GRID1: variants seen among roughly 807,000 people sequenced by gnomAD.
GRID1 encodes the protein glutamate ionotropic receptor delta type subunit 1.
GRID1 carries 28 observed loss-of-function variants against 98.0 expected under a neutral mutation model. The observed-to-expected ratio is 0.29, with a 90% CI of 0.21 to 0.39. GRID1 has a LOEUF of 0.39. GRID1 is among the 10% of genes least tolerant of loss of function. The probability of loss-of-function intolerance (pLI) is 1.00; values close to 1 mark genes in which losing one functional copy is unlikely to be tolerated. For missense variants in GRID1, 1,111 were observed against 1,340.5 expected, an observed-to-expected ratio of 0.83 and a Z score of 2.67; for synonymous variants, 553 against 538.5, an observed-to-expected ratio of 1.03 and a Z score of -0.37.
At chr10:86,073,487 T>C (rs1376333100) in intron 4 of GRID1, among the ~76,000 whole-genome samples, 1 of 152,214 alleles carries the variant, frequency 6.6e-6, no homozygotes, top group Non-Finnish European at 1.5e-5. Flanking sequence ...TCTGGTGGGT[T>C]CCCTGGGGGT....
At chr10:86,357,016 G>T (rs1008892052) in intron 2 of GRID1, among the ~76,000 whole-genome samples, 8 of 152,212 alleles carry the variant, frequency 5.3e-5, no homozygotes, top group African/African-American at 1.9e-4. Flanking sequence ...AGTGCTGAGG[G>T]ACAGCCTTAG....
intron 2 of GRID1, among the ~76,000 whole-genome samples, chr10:86,349,795 C>G (rs1247663457): frequency 6.6e-6 from 1 of 152,194 alleles, no homozygotes; most frequent in Non-Finnish European, 1.5e-5. Context: ...GTTGCCCATC[C>G]AAGGACTTTT....
chr10:86,167,905 C>G (rs1330617706), intron 3 of GRID1, among the ~76,000 whole-genome samples: 1 of 152,090 alleles, frequency 6.6e-6, no homozygotes, highest in East Asian at 1.9e-4. Context: ...GCAGTTGTGA[C>G]CGAGGGAGGC....
At chr10:86,116,495 A>G (rs1844581771) in intron 4 of GRID1, among the ~76,000 whole-genome samples, 1 of 152,102 alleles carries the variant, frequency 6.6e-6, no homozygotes, top group African/African-American at 2.4e-5. Context: ...GGCCAACTTC[A>G]ACTTGTCTTA....
In GRID1 at chr10:85,613,391, G is replaced by A; in HGVS notation, c.2601+16C>T. 6.2e-7 allele frequency: 1 copy of A among 1,605,136 alleles called. No homozygotes were observed. Among genetic ancestry groups the A allele is most frequent in the East Asian group, 2.2e-5 (1 of 44,740 alleles). ...CTCTAGGCTGTGAAAGGGAGGGCAG[G>A]CCCCAGGGTGCTGACCTCCTTGGGG... is the stretch of plus-strand genomic sequence containing the variant. On this transcript the variant is annotated intron_variant, in intron 15 of 15. Coordinates refer to ENST00000327946, the MANE Select transcript of GRID1 (RefSeq NM_017551.3).
intron 12 of GRID1, among the ~76,000 whole-genome samples, chr10:85,689,433 TAAC>T (rs1250596747): frequency 2.3e-5 from 3 of 127,820 alleles, no homozygotes; most frequent in African/African-American, 9.2e-5. Context: ...CAGAATAAAA[TAAC>T]AAAGAAATGG....
intron 13 of GRID1, among the ~76,000 whole-genome samples, chr10:85,625,403 C>G (rs1437558874): frequency 1.3e-5 from 2 of 152,204 alleles, no homozygotes; most frequent in Non-Finnish European, 2.9e-5. Context: ...CATTTTTGGC[C>G]TACTTCTAAA....
At chr10:86,348,531 G>A (rs559934689) in intron 2 of GRID1, among the ~76,000 whole-genome samples, 2 of 152,346 alleles carry the variant, frequency 1.3e-5, no homozygotes, top group South Asian at 4.1e-4. Context: ...GTGTGACCCT[G>A]CAGGCCAGCA....
At chr10:86,033,653 G>C (rs896593232) in intron 4 of GRID1, among the ~76,000 whole-genome samples, 53 of 152,190 alleles carry the variant, frequency 3.5e-4, no homozygotes, top group Non-Finnish European at 6.8e-4. Context: ...AGGAAGATGG[G>C]CCACCCGGAG....
intron 8 of GRID1, among the ~76,000 whole-genome samples, chr10:85,789,536 C>T (rs1290727136): frequency 6.6e-6 from 1 of 152,164 alleles, no homozygotes. Context: ...TGTGCAGTGC[C>T]CAGATCCAAG....
chr10:86,057,054 C>T (rs906088701), intron 4 of GRID1, among the ~76,000 whole-genome samples: 1 of 152,196 alleles, frequency 6.6e-6, no homozygotes, highest in African/African-American at 2.4e-5. Context: ...ACTCAGGCTG[C>T]ATTCCAACTA....
intron 2 of GRID1, among the ~76,000 whole-genome samples, chr10:86,228,051 C>T (rs970957699): frequency 2.0e-5 from 3 of 151,046 alleles, no homozygotes; most frequent in Admixed American, 1.3e-4. Context: ...TGGTTGAATG[C>T]GTGGATGGAT....
chr10:85,849,211 A>G (rs1843035039), intron 8 of GRID1, among the ~76,000 whole-genome samples: 1 of 152,214 alleles, frequency 6.6e-6, no homozygotes, highest in Non-Finnish European at 1.5e-5. Context: ...GCAGATCTGC[A>G]CGAGGATGTT....
Position 85,901,076 on chromosome 10 carries a change from C to G in GRID1, c.780+15110G>C, listed in dbSNP as rs79521709. ...GAACAGAACTATAAATGCTGCGACG[C>G]GGATTCATAACAAGTAACAAGAGGA... On this transcript the variant is annotated intron_variant, in intron 5 of 15. Coordinates refer to ENST00000327946, the MANE Select transcript of GRID1 (RefSeq NM_017551.3). Among the ~76,000 whole-genome samples the G allele has an allele frequency of 8.6e-3, 1,309 of 152,038 alleles. 28 individuals carry two copies. The highest frequency in any genetic ancestry group is 0.03 in the African/African-American group (1,235 of 41,468).
intron 8 of GRID1, among the ~76,000 whole-genome samples, chr10:85,768,412 G>GT (rs1487870003): frequency 2.7e-4 from 4 of 14,846 alleles, no homozygotes; most frequent in Admixed American, 1.0e-3. Flanking sequence ...CTTCCAAGTG[G>GT]TAAAAAAAAA....
intron 12 of GRID1, among the ~76,000 whole-genome samples, chr10:85,675,530 C>A (rs1301406219): frequency 6.6e-6 from 1 of 152,158 alleles, no homozygotes; most frequent in Non-Finnish European, 1.5e-5. Flanking sequence ...TCAGACTATG[C>A]CTCAAGTTCC....
At chr10:85,873,859 T>C (rs573763993) in intron 5 of GRID1, among the ~76,000 whole-genome samples, 1 of 152,326 alleles carries the variant, frequency 6.6e-6, no homozygotes, top group South Asian at 2.1e-4. Context: ...GGGTACCCCA[T>C]TAGCTTTCCA....
At chr10:86,024,915 C>A (rs1412660422) in intron 4 of GRID1, among the ~76,000 whole-genome samples, 1 of 152,070 alleles carries the variant, frequency 6.6e-6, no homozygotes, top group Non-Finnish European at 1.5e-5. Flanking sequence ...GGCCAGTCAT[C>A]CTAGGATGTC....
chr10:85,819,173 G>A lies in GRID1; in HGVS notation c.1233+35323C>T, dbSNP rs976947339. Among the ~76,000 whole-genome samples the A allele has an allele frequency of 6.6e-5, 10 of 152,146 alleles. No individual in the cohort carries two copies. The South Asian group carries it at 2.1e-3, about 32-fold the overall frequency. On this transcript the variant is annotated intron_variant, in intron 8 of 15. Coordinates refer to ENST00000327946, the MANE Select transcript of GRID1 (RefSeq NM_017551.3). Reference sequence around the variant, plus strand: ...ATTCCAAGTAAAGTAAGAGGAACAAGGGAAACATCAAATCACCACAAAAAG... The same window carrying A: ...ATTCCAAGTAAAGTAAGAGGAACAAAGGAAACATCAAATCACCACAAAAAG...
Sources: allele counts gnomAD v4.1 joint callset (sites outside exome capture counted in the v4.1 genomes callset), GRCh38; gene constraint gnomAD v4.1.1; transcripts MANE v1.5; gene names NCBI Gene and HGNC (gene_info 2026-07-23, HGNC 2026-07-21).